Variants in FBXL5 observed in about 807,000 individuals in gnomAD.
The protein encoded by FBXL5 is F-box/LRR-repeat protein 5.
FBXL5 carries 26 observed loss-of-function variants against 78.3 expected under a neutral mutation model. That is an observed-to-expected ratio of 0.33 (90% CI 0.24 to 0.46). The LOEUF (loss-of-function observed/expected upper bound fraction) is 0.46. FBXL5 is among the 20% of genes least tolerant of loss of function. The pLI is 1.00. For synonymous variants in FBXL5, 295 were observed against 282.5 expected, an observed-to-expected ratio of 1.04 and a Z score of -0.45; for missense variants, 710 against 829.2, an observed-to-expected ratio of 0.86 and a Z score of 1.77.
rs766169445 is a variant in FBXL5, at chr4:15,605,795, A to C, written c.2004T>G (p.Pro668=). 1 of 1,613,210 alleles carries C rather than the reference A, an allele frequency of 6.2e-7. No homozygotes were observed. Among genetic ancestry groups the C allele is most frequent in the Admixed American group, 1.7e-5 (1 of 59,924 alleles). The change falls in exon 11 of 11, where the codon CCT becomes CCG. Residue 668 remains proline, a synonymous_variant. Coordinates refer to ENST00000341285, the MANE Select transcript of FBXL5 (RefSeq NM_012161.4). ...YFYYCDNING[P]HADTASGCQN... ...GGCATCCACTGGCGGTATCAGCATGAGGACCTGTATGAAAACAGAAAAATG... is the reference window on the plus strand; with the variant it reads ...GGCATCCACTGGCGGTATCAGCATGCGGACCTGTATGAAAACAGAAAAATG...
At chr4:15,680,531 G>C (rs112871891) in intron 1 of FBXL5, among the ~76,000 whole-genome samples, 2,571 of 152,152 alleles carry the variant, frequency 0.017, 74 homozygotes, top group African/African-American at 0.058. Flanking sequence ...ACAAAAATTA[G>C]CCTGGCATGG....
chr4:15,636,432 A>T, intron 5 of FBXL5, 62 bp downstream of exon 5: 2 of 1,286,768 alleles, frequency 1.6e-6, no homozygotes, highest in Non-Finnish European at 2.1e-6. Flanking sequence ...CTTGCTCATT[A>T]ATGTAAATGA....
At chr4:15,632,329 G>A (rs937739447) in intron 5 of FBXL5, among the ~76,000 whole-genome samples, 2 of 152,178 alleles carry the variant, frequency 1.3e-5, no homozygotes, top group Non-Finnish European at 2.9e-5. Flanking sequence ...TTGTAGTATA[G>A]TTTGAGGTCA....
intron 1 of FBXL5, among the ~76,000 whole-genome samples, chr4:15,650,412 C>T (rs10031017): frequency 0.28 from 42,831 of 151,826 alleles, 6,265 homozygotes; most frequent in East Asian, 0.47. Context: ...ATTTACTTTT[C>T]GGTTTAAATT....
Position 15,638,579 on chromosome 4 carries a change from A to C in FBXL5, c.512T>G (p.Leu171Arg). Residue 171 changes from leucine (L) to arginine (R), a missense_variant, in exon 4 of 11, where the codon CTT (leucine) becomes CGT (arginine). By Grantham distance (102) the Leu-to-Arg change is moderately radical (BLOSUM62 -2). This residue lies in a region of FBXL5 where 517 missense variants were observed against 542.9 expected (regional missense o/e 0.95). Coordinates refer to ENST00000341285, the MANE Select transcript of FBXL5 (RefSeq NM_012161.4). ...QKDTAELLRG[L>R]SLWNHAEERQ... ...CTCTTCAGCATGATTCCATAGGCTA[A>C]GACCTCTAAGGAGTTCTGCAGTATC... 6.2e-7 allele frequency: 1 copy of C among 1,612,622 alleles called. No individual in the cohort carries two copies. The highest frequency in any genetic ancestry group is 8.5e-7 in the Non-Finnish European group (1 of 1,179,510).
upstream of FBXL5, chr4:15,655,486 C>T (rs1372930608): frequency 1.5e-6 from 1 of 682,622 alleles, no homozygotes; most frequent in Non-Finnish European, 1.8e-6. Flanking sequence ...TGACCGGGCG[C>T]GCGCAGAGGC....
rs567763749 is a variant in FBXL5 at position 15,643,328 on chromosome 4, C to T, written c.300+1165G>A. 9.8e-5 allele frequency among the ~76,000 whole-genome samples: 15 copies of T among 152,298 alleles called. No individual in the cohort carries two copies. In the South Asian group the frequency reaches 3.1e-3, roughly 32 times the overall value. On this transcript the variant is annotated intron_variant, in intron 2 of 10. Coordinates refer to ENST00000341285, the MANE Select transcript of FBXL5 (RefSeq NM_012161.4). Reference sequence around the variant, plus strand: ...AGAACATAAATCTCCAGGTGAGGAGCACATGGTGGCTTAACAGAGTTGTAA... The same window carrying T: ...AGAACATAAATCTCCAGGTGAGGAGTACATGGTGGCTTAACAGAGTTGTAA...
rs71601488 is a variant in FBXL5 at position 15,677,517 on chromosome 4, A to G, written c.-284+3866T>C. 5.6e-3 allele frequency among the ~76,000 whole-genome samples: 857 copies of G among 152,288 alleles called. 10 individuals carry two copies. The highest frequency in any genetic ancestry group is 8.6e-3 in the Non-Finnish European group (583 of 68,038). ...ATTAAAACTTTTAGCCCATCTCACT[A>G]TCTCTGACAAGGGGAGAAGAACTGG... On this transcript the variant is annotated intron_variant, in intron 1 of 4. Coordinates refer to the FBXL5 transcript ENST00000507899.
intron 5 of FBXL5, among the ~76,000 whole-genome samples, chr4:15,635,978 G>C (rs1170123390): frequency 1.3e-5 from 2 of 151,882 alleles, no homozygotes; most frequent in African/African-American, 4.8e-5. Context: ...AATAAAGATA[G>C]GTCAAAGGCA....
intron 1 of FBXL5, among the ~76,000 whole-genome samples, chr4:15,679,654 C>G (rs1290342132): frequency 1.3e-5 from 2 of 151,344 alleles, no homozygotes; most frequent in South Asian, 4.2e-4. Context: ...TATCACACAA[C>G]AAGTTATTTT....
At chr4:15,655,396 C>T (rs1242107297), upstream of FBXL5, 1 of 1,031,678 alleles carries the variant, frequency 9.7e-7, no homozygotes, top group African/African-American at 1.8e-5. Flanking sequence ...CCCGCCCCGT[C>T]GGCGCGCGCG....
At chr4:15,631,541 A>G (rs1713668483) in intron 5 of FBXL5, among the ~76,000 whole-genome samples, 1 of 152,212 alleles carries the variant, frequency 6.6e-6, no homozygotes, top group Non-Finnish European at 1.5e-5. Context: ...CCAACAGTGT[A>G]AAAGTGTTCC....
intron 1 of FBXL5, among the ~76,000 whole-genome samples, chr4:15,675,182 A>G (rs1420267739): frequency 6.6e-6 from 1 of 152,212 alleles, no homozygotes; most frequent in Non-Finnish European, 1.5e-5. Context: ...CATAATTTAT[A>G]GAGGAAAGCT....
chr4:15,627,808 A>T (rs1713219227), intron 7 of FBXL5, 77 bp downstream of exon 7: 3 of 1,447,688 alleles, frequency 2.1e-6, no homozygotes, highest in Non-Finnish European at 2.8e-6. Context: ...CCCCTTAATT[A>T]AACTCAGGAA....
In FBXL5 at chr4:15,638,530, G is replaced by A. The variant is rs768551984; in HGVS notation, c.561C>T (p.Ser187=). 13 of 1,592,834 alleles carry A rather than the reference G, an allele frequency of 8.2e-6. No individual in the cohort carries two copies. The highest frequency in any genetic ancestry group is 4.5e-5 in the East Asian group (2 of 44,626). The change falls in exon 4 of 11, where the codon TCC becomes TCT. Residue 187 remains serine, a synonymous_variant. Transcript: ENST00000341285. ...CACCTTTATCTGACTTTTCATCCACGGAATATTTAAAAAACTTCTGTCGCT... is the reference window on the plus strand; with the variant it reads ...CACCTTTATCTGACTTTTCATCCACAGAATATTTAAAAAACTTCTGTCGCT... ...AEERQKFFKY[S]VDEKSDKEAE...
At chr4:15,665,644 C>T (rs998029185) in intron 1 of FBXL5, among the ~76,000 whole-genome samples, 3 of 152,042 alleles carry the variant, frequency 2.0e-5, no homozygotes, top group African/African-American at 7.3e-5. Context: ...ATACTAGAGC[C>T]CCGACATGTT....
chr4:15,607,812 T>A (rs1721986500), intron 10 of FBXL5, among the ~76,000 whole-genome samples: 1 of 152,182 alleles, frequency 6.6e-6, no homozygotes, highest in African/African-American at 2.4e-5. Context: ...CCAAAATGGA[T>A]CTGATTATCA....
chr4:15,616,950 A>C lies in FBXL5; in HGVS notation c.1851-4536T>G, dbSNP rs538028546. On this transcript the variant is annotated intron_variant, in intron 9 of 10. Transcript: ENST00000341285. ...AAGCTGCCTCTTTCCCAAGATGGCT[A>C]TTGTTAAAAAGTCAAAAAAACAACA... is the stretch of plus-strand genomic sequence containing the variant. Among the ~76,000 whole-genome samples the C allele has an allele frequency of 3.9e-5, 6 of 152,310 alleles. No homozygotes were observed. The South Asian group carries it at 1.2e-3, about 32-fold the overall frequency.
chr4:15,625,372 C>T lies in FBXL5; in HGVS notation c.1730G>A (p.Arg577Lys), dbSNP rs1712929437. 6.2e-7 allele frequency: 1 copy of T among 1,614,208 alleles called. No homozygotes were observed. The highest frequency in any genetic ancestry group is 8.5e-7 in the Non-Finnish European group (1 of 1,180,040). Residue 577 changes from arginine to lysine, a missense_variant, in exon 9 of 11, where the codon AGA (arginine) becomes AAA (lysine). Transcript: ENST00000341285. ...AATTAAGTCTTTTCCCCTAGGCAATCTAGTCCTTGCTGCTTTTCTACACAT... is the reference window on the plus strand; with the variant it reads ...AATTAAGTCTTTTCCCCTAGGCAATTTAGTCCTTGCTGCTTTTCTACACAT... The part of the protein sequence containing the change: ...SAMCRKAART[R>K]LPRGKDLIYF...
Sources: allele counts gnomAD v4.1 joint callset (sites outside exome capture counted in the v4.1 genomes callset), GRCh38; gene constraint gnomAD v4.1.1; regional missense constraint gnomAD v4.1.1; transcripts MANE v1.5; gene names NCBI Gene and HGNC (gene_info 2026-07-23, HGNC 2026-07-21).